LUZP2: variants seen among roughly 807,000 people sequenced by gnomAD.
The protein encoded by LUZP2 is leucine zipper protein 2.
In LUZP2, 52 loss-of-function variants were observed where a neutral mutation model predicts 51.6. The ratio of observed to expected loss-of-function variants is 1.01; its 90% CI spans 0.81 to 1.27. The LOEUF is 1.27. LUZP2 is among the 50% of genes most tolerant of loss of function. LUZP2 has a pLI of 0.00. For synonymous variants in LUZP2, 154 were observed against 137.3 expected (o/e 1.12, Z -0.85); for missense variants, 436 against 395.4 (o/e 1.10, Z -0.87).
chr11:24,728,908 A>G (rs2716460), intron 1 of LUZP2, among the ~76,000 whole-genome samples: 93,424 of 151,742 alleles, frequency 0.62, 29,302 homozygotes, highest in Non-Finnish European at 0.69. Flanking sequence ...TCTTACATGC[A>G]GCAGGGAAGA....
At chr11:24,939,406 C>T (rs773547541) in intron 7 of LUZP2, among the ~76,000 whole-genome samples, 62 of 151,944 alleles carry the variant, frequency 4.1e-4, no homozygotes, top group Admixed American at 5.9e-4. Flanking sequence ...CTACCACTCT[C>T]GGGGGAAGGG....
chr11:24,914,086 A>G (rs554930850), intron 6 of LUZP2, among the ~76,000 whole-genome samples: 2 of 152,116 alleles, frequency 1.3e-5, no homozygotes, highest in Non-Finnish European at 2.9e-5. Flanking sequence ...AATTTATTCT[A>G]ATTTAATTTA....
At chr11:24,729,730 A>G (rs1053869266) in intron 2 of LUZP2, among the ~76,000 whole-genome samples, 5 of 151,976 alleles carry the variant, frequency 3.3e-5, no homozygotes, top group African/African-American at 1.2e-4. Context: ...AAACATCTTA[A>G]CATACTGAAA....
At chr11:24,566,082 A>G (rs539932626) in intron 1 of LUZP2, among the ~76,000 whole-genome samples, 3 of 151,838 alleles carry the variant, frequency 2.0e-5, no homozygotes, top group Admixed American at 6.6e-5. Context: ...GTACATATAG[A>G]AAAAATGCGA....
intron 7 of LUZP2, among the ~76,000 whole-genome samples, chr11:24,933,893 A>AG (rs1463117274): frequency 6.6e-6 from 1 of 152,092 alleles, no homozygotes. Flanking sequence ...TTCTGTGGGC[A>AG]GGGGGTGGAT....
chr11:24,897,991 A>T (rs1211455488), intron 5 of LUZP2, among the ~76,000 whole-genome samples: 2 of 152,192 alleles, frequency 1.3e-5, no homozygotes, highest in African/African-American at 2.4e-5. Context: ...TGTATAGTAC[A>T]CTATGATATG....
intron 1 of LUZP2, among the ~76,000 whole-genome samples, chr11:24,715,911 A>G (rs1285975404): frequency 2.6e-5 from 4 of 152,148 alleles, no homozygotes; most frequent in Admixed American, 1.3e-4. Flanking sequence ...TTTTTCATCA[A>G]TGATATCTAG....
intron 10 of LUZP2, among the ~76,000 whole-genome samples, chr11:25,052,813 T>C (rs567682041): frequency 6.6e-6 from 1 of 152,192 alleles, no homozygotes; most frequent in South Asian, 2.1e-4. Flanking sequence ...CTTTATATTT[T>C]GTCTATTTTG....
At chr11:24,621,516 A>G (rs1353665810) in intron 1 of LUZP2, among the ~76,000 whole-genome samples, 1 of 152,188 alleles carries the variant, frequency 6.6e-6, no homozygotes, top group Admixed American at 6.5e-5. Context: ...CTAGCAACAA[A>G]GATTCTCTTA....
At chr11:24,845,377 T>C (rs1851168201) in intron 5 of LUZP2, among the ~76,000 whole-genome samples, 1 of 152,172 alleles carries the variant, frequency 6.6e-6, no homozygotes, top group African/African-American at 2.4e-5. Context: ...TAATCTGCTT[T>C]CGATTTTACT....
rs1854297006 is a variant in LUZP2, at chr11:24,926,978, ATTTG to A, written c.522+12442_522+12445del. Among the ~76,000 whole-genome samples the A allele has an allele frequency of 2.0e-5, 3 of 151,524 alleles. No individual in the cohort carries two copies. In the South Asian group the frequency reaches 6.2e-4, roughly 32 times the overall value. On this transcript the variant is annotated intron_variant, in intron 7 of 11. Coordinates refer to ENST00000336930, the MANE Select transcript of LUZP2 (RefSeq NM_001009909.4). Reference sequence around the variant, plus strand: ...ATCACAGTATCACATTATGGTTTTAATTTGTATTTCTCTGATTTTTAGAAATGTT... The same window carrying A: ...ATCACAGTATCACATTATGGTTTTAATATTTCTCTGATTTTTAGAAATGTT...
chr11:24,882,810 A>AGAAGGGAGGAAGGGAG (rs1245593789), intron 5 of LUZP2, among the ~76,000 whole-genome samples: 2 of 70,196 alleles, frequency 2.8e-5, no homozygotes, highest in Non-Finnish European at 6.2e-5. Flanking sequence ...AAGGAAGGGA[A>AGAAGGGAGGAAGGGAG]GAAGGGAGGG....
At chr11:24,982,214 G>A (rs959705777) in intron 8 of LUZP2, among the ~76,000 whole-genome samples, 5 of 151,776 alleles carry the variant, frequency 3.3e-5, no homozygotes, top group African/African-American at 1.2e-4. Flanking sequence ...TCCTCAAAGA[G>A]GTAAAAGCAG....
intron 1 of LUZP2, among the ~76,000 whole-genome samples, chr11:24,602,299 T>C (rs146977050): frequency 7.0e-6 from 1 of 143,642 alleles, no homozygotes; most frequent in Non-Finnish European, 1.5e-5. Context: ...TATATGTACA[T>C]ACATATATAC....
chr11:24,938,030 C>T (rs1029740070), intron 7 of LUZP2, among the ~76,000 whole-genome samples: 3 of 152,034 alleles, frequency 2.0e-5, no homozygotes, highest in Non-Finnish European at 4.4e-5. Context: ...TGTCTAGCCA[C>T]CTTTGAAGCC....
At chr11:24,850,902 C>T (rs567670381) in intron 5 of LUZP2, among the ~76,000 whole-genome samples, 38 of 152,192 alleles carry the variant, frequency 2.5e-4, no homozygotes, top group Non-Finnish European at 4.7e-4. Flanking sequence ...GGAGTTCACT[C>T]ATGATTTGGC....
At chr11:24,794,386 T>G (rs1849492198) in intron 5 of LUZP2, among the ~76,000 whole-genome samples, 1 of 152,160 alleles carries the variant, frequency 6.6e-6, no homozygotes, top group African/African-American at 2.4e-5. Context: ...GTGTGCAGTC[T>G]CTGCTAATCT....
chr11:24,893,724 T>C (rs2133763115), intron 5 of LUZP2, among the ~76,000 whole-genome samples: 1 of 151,802 alleles, frequency 6.6e-6, no homozygotes, highest in Admixed American at 6.6e-5. Context: ...CTTTTTTCAT[T>C]TCCATCCAAT....
intron 1 of LUZP2, among the ~76,000 whole-genome samples, chr11:24,609,115 A>G (rs1277042751): frequency 1.3e-5 from 2 of 152,170 alleles, no homozygotes; most frequent in Admixed American, 1.3e-4. Context: ...CATTTGTGAT[A>G]GGCTTAGTAG....
Sources: gnomAD v4.1 joint callset for allele counts (sites outside exome capture counted in the v4.1 genomes callset) on GRCh38, gnomAD v4.1.1 for gene constraint, MANE v1.5 for transcripts, NCBI Gene and HGNC (gene_info 2026-07-23, HGNC 2026-07-21) for gene names.